Variants in NSUN7 observed in about 807,000 individuals in gnomAD.
NSUN7 encodes the protein NOP2/Sun RNA methyltransferase family member 7, also known as protein NSUN7.
A neutral mutation model predicts 58.5 loss-of-function variants in NSUN7; 39 were observed. That is an observed-to-expected ratio of 0.67 (90% confidence interval 0.52 to 0.87). The LOEUF (loss-of-function observed/expected upper bound fraction) is 0.87, where lower values mean the gene tolerates loss of function less well. NSUN7 is among the 40% of genes least tolerant of loss of function. NSUN7 has a pLI of 0.00. For missense variants in NSUN7, 765 were observed against 844.1 expected (o/e 0.91, Z 1.16); for synonymous variants, 278 against 303.7 (o/e 0.92, Z 0.88).
At chr4:40,795,654 A>G (rs1316772565) in intron 9 of NSUN7, among the ~76,000 whole-genome samples, 2 of 152,196 alleles carry the variant, frequency 1.3e-5, no homozygotes, top group African/African-American at 2.4e-5. Flanking sequence ...AACAAGTTGT[A>G]TTTAGTTTCC....
At chr4:40,776,308 T>C in intron 7 of NSUN7, 49 bp downstream of exon 7, 2 of 1,303,010 alleles carry the variant, frequency 1.5e-6, no homozygotes, top group Non-Finnish European at 2.1e-6. Context: ...TGCAAGATTT[T>C]AGAAACGTTA....
rs1202540968 is a variant in NSUN7 at position 40,809,806 on chromosome 4, A to C, written c.*867A>C. ...GCACACAGGAATCAAACTTTGGTAA[A>C]TCATTTCTGAGGCACAATTAAATAT... On this transcript the variant is annotated 3_prime_UTR_variant, in exon 12 of 12. Coordinates refer to ENST00000381782, the MANE Select transcript of NSUN7 (RefSeq NM_024677.6). 1.3e-5 allele frequency: 2 copies of C among 152,234 alleles called. No individual in the cohort carries two copies. Among genetic ancestry groups the C allele is most frequent in the Non-Finnish European group, 2.9e-5 (2 of 68,038 alleles). The allele number at this position is 152,234 out of a possible 1,614,324, so 9.4% of individuals were successfully genotyped here. A position where few individuals can be genotyped will look rare whatever the true frequency, so the allele number is the denominator to read the frequency against.
chr4:40,779,019 T>TA (rs1742401031), intron 7 of NSUN7, among the ~76,000 whole-genome samples: 1 of 152,122 alleles, frequency 6.6e-6, no homozygotes, highest in African/African-American at 2.4e-5. Flanking sequence ...ATACTAAAGA[T>TA]ACATGGTTTG....
intron 7 of NSUN7, 187 bp downstream of exon 7, chr4:40,776,446 GTTAAA>G: frequency 2.2e-6 from 1 of 447,290 alleles, no homozygotes; most frequent in Non-Finnish European, 3.9e-6. Flanking sequence ...ACAACTGTGG[GTTAAA>G]TTAATTTCTT....
At chr4:40,757,598 GTA>G (rs1195239039) in intron 2 of NSUN7, among the ~76,000 whole-genome samples, 6 of 142,048 alleles carry the variant, frequency 4.2e-5, no homozygotes, top group Non-Finnish European at 9.1e-5. Context: ...CACATTGTGT[GTA>G]TATATATACA....
At chr4:40,756,941 CAAAA>C (rs930099891) in intron 2 of NSUN7, among the ~76,000 whole-genome samples, 11 of 151,842 alleles carry the variant, frequency 7.2e-5, no homozygotes, top group African/African-American at 2.7e-4. Context: ...TAAAAACAAA[CAAAA>C]AAGGGCCAGG....
At chr4:40,790,064 C>CT (rs60071501) in intron 7 of NSUN7, among the ~76,000 whole-genome samples, 2,694 of 121,532 alleles carry the variant, frequency 0.022, 134 homozygotes, top group African/African-American at 0.072. Flanking sequence ...CCTCCCCCAC[C>CT]TTTTTTTTTT....
chr4:40,751,107 A>G, intron 2 of NSUN7, 116 bp downstream of exon 2: 1 of 1,129,520 alleles, frequency 8.9e-7, no homozygotes, highest in Non-Finnish European at 1.3e-6. Context: ...GGTTTTAGGC[A>G]TGTGCATATC....
chr4:40,808,175 TA>T (rs1168549970), intron 11 of NSUN7, 131 bp from the exon 12 acceptor site: 1 of 1,086,574 alleles, frequency 9.2e-7, no homozygotes, highest in Non-Finnish European at 1.3e-6. Flanking sequence ...GACTAAGGCC[TA>T]AAAACTATTT....
chr4:40,776,153 G>A lies in NSUN7; in HGVS notation c.930G>A (p.Met310Ile). 2 of 1,609,406 alleles carry A rather than the reference G, an allele frequency of 1.2e-6. No homozygotes were observed. Among genetic ancestry groups the A allele is most frequent in the Non-Finnish European group, 1.7e-6 (2 of 1,176,170 alleles). The change falls in exon 7 of 12, where the codon ATG becomes ATA. Residue 310 changes from methionine to isoleucine, a missense_variant. Physicochemically the swap from Met to Ile is conservative, Grantham distance 10. Transcript: ENST00000381782. ...GCTCATGGTACACAGTTTCCCACAT[G>A]TCAATTTTAACAAATAATAATACCT... The part of the protein sequence containing the change: ...NTGSWYTVSH[M>I]SILTNNNTSK...
At chr4:40,751,523 G>A (rs1385017690) in intron 2 of NSUN7, among the ~76,000 whole-genome samples, 1 of 152,052 alleles carries the variant, frequency 6.6e-6, no homozygotes, top group Non-Finnish European at 1.5e-5. Flanking sequence ...ATGGGGAGAG[G>A]AACAGAGACG....
intron 11 of NSUN7, among the ~76,000 whole-genome samples, chr4:40,807,538 C>T (rs1243204137): frequency 1.3e-5 from 2 of 151,812 alleles, no homozygotes; most frequent in Non-Finnish European, 2.9e-5. Flanking sequence ...TTAGTAGAGA[C>T]GGGGTTTCAC....
chr4:40,779,726 G>A (rs1742435233), intron 7 of NSUN7, among the ~76,000 whole-genome samples: 2 of 152,326 alleles, frequency 1.3e-5, no homozygotes, highest in East Asian at 3.9e-4. Context: ...GCAAATTAAT[G>A]TCTGCGGGAC....
At chr4:40,757,399 T>C (rs1306525662) in intron 2 of NSUN7, among the ~76,000 whole-genome samples, 1 of 151,948 alleles carries the variant, frequency 6.6e-6, no homozygotes, top group East Asian at 1.9e-4. Context: ...AGGATAGATA[T>C]ATTACATGCA....
intron 4 of NSUN7, among the ~76,000 whole-genome samples, chr4:40,773,814 T>G (rs1305950824): frequency 6.6e-6 from 1 of 152,190 alleles, no homozygotes; most frequent in Non-Finnish European, 1.5e-5. Flanking sequence ...TTTCTTTTCT[T>G]TTTTGAGACA....
At chr4:40,783,863 A>T (rs896031630) in intron 7 of NSUN7, among the ~76,000 whole-genome samples, 1 of 151,956 alleles carries the variant, frequency 6.6e-6, no homozygotes, top group Non-Finnish European at 1.5e-5. Context: ...AAAAAAAAAG[A>T]TAACTCACAG....
chr4:40,759,259 C>T (rs933646305), intron 2 of NSUN7, among the ~76,000 whole-genome samples: 2 of 151,956 alleles, frequency 1.3e-5, no homozygotes, highest in African/African-American at 4.8e-5. Flanking sequence ...TGCAGTGAAC[C>T]GAGATTGTGC....
At chr4:40,758,324 CA>C (rs1741277045) in intron 2 of NSUN7, among the ~76,000 whole-genome samples, 1 of 151,992 alleles carries the variant, frequency 6.6e-6, no homozygotes, top group Non-Finnish European at 1.5e-5. Context: ...AAAAAAAGTA[CA>C]AAAAGTATGA....
chr4:40,808,275 CCCA>C, intron 11 of NSUN7, 29 bp from the exon 12 acceptor site: 1 of 1,567,212 alleles, frequency 6.4e-7, no homozygotes, highest in African/African-American at 1.4e-5. Context: ...ATAGCTAACT[CCCA>C]CATTTAGTAA....
Sources: allele counts gnomAD v4.1 joint callset (sites outside exome capture counted in the v4.1 genomes callset), GRCh38; gene constraint gnomAD v4.1.1; transcripts MANE v1.5; gene names NCBI Gene and HGNC (gene_info 2026-07-23, HGNC 2026-07-21).